Variants in ZFAND2B observed in about 807,000 individuals in gnomAD.
The protein encoded by ZFAND2B is zinc finger AN1-type containing 2B.
A neutral mutation model predicts 38.2 loss-of-function variants in ZFAND2B; 27 were observed. The observed-to-expected ratio is 0.71, with a 90% CI of 0.52 to 0.97. The LOEUF is 0.97. ZFAND2B is among the 50% of genes least tolerant of loss of function. The probability of loss-of-function intolerance (pLI) is 0.00; values close to 1 mark genes in which losing one functional copy is unlikely to be tolerated. For missense variants in ZFAND2B, 303 were observed against 331.5 expected, an observed-to-expected ratio of 0.91 and a Z score of 0.67; for synonymous variants, 111 against 119.4, an observed-to-expected ratio of 0.93 and a Z score of 0.46.
Position 219,207,133 on chromosome 2 carries a change from A to C in ZFAND2B, c.55+91A>C, listed in dbSNP as rs966780068. Reference sequence around the variant, plus strand: ...GGAAGGGTGGGCTCCCAGGCTGGCAATGCCGGGGGGCGGGGCTTGAAGCTG... The same window carrying C: ...GGAAGGGTGGGCTCCCAGGCTGGCACTGCCGGGGGGCGGGGCTTGAAGCTG... On this transcript the variant is annotated intron_variant, in intron 1 of 8. Coordinates refer to ENST00000289528, the MANE Select transcript of ZFAND2B (RefSeq NM_138802.3). The C allele has an allele frequency of 1.2e-5, 10 of 865,366 alleles. No individual in the cohort carries two copies. In the East Asian group the frequency reaches 1.4e-4, roughly 13 times the overall value. The allele number at this position is 865,366 out of a possible 1,614,324, so 53.6% of individuals were successfully genotyped here. A position where few individuals can be genotyped will look rare whatever the true frequency, so the allele number is the denominator to read the frequency against.
chr2:219,207,077 C>A lies in ZFAND2B; in HGVS notation c.55+35C>A, dbSNP rs772971726. 53 of 1,404,962 alleles carry A rather than the reference C, an allele frequency of 3.8e-5. No homozygotes were observed. The East Asian group carries it at 1.7e-3, about 45-fold the overall frequency. The allele number at this position is 1,404,962 out of a possible 1,614,324, so 87.0% of individuals were successfully genotyped here. On this transcript the variant is annotated intron_variant, in intron 1 of 8. Coordinates refer to ENST00000289528, the MANE Select transcript of ZFAND2B (RefSeq NM_138802.3). ...GGAGCGCGCGGGGGGCGGGGCCCAG[C>A]GGACAGGGACTTTGAACCGCAGGTT... is the stretch of plus-strand genomic sequence containing the variant.
chr2:219,207,288 AGG>A, intron 1 of ZFAND2B, 37 bp from the exon 2 acceptor site: 1 of 1,597,436 alleles, frequency 6.3e-7, no homozygotes, highest in Non-Finnish European at 8.6e-7. Context: ...AAGGACATCG[AGG>A]TCCCGCTGGA....
rs142185218 is a variant in ZFAND2B at position 219,207,448 on chromosome 2, G to C, written c.150+27G>C. 7.2e-4 allele frequency: 1,148 copies of C among 1,604,284 alleles called. 1 individual carries two copies. Among genetic ancestry groups the C allele is most frequent in the Non-Finnish European group, 9.6e-4 (1,121 of 1,171,838 alleles). ...TGAGGGGGCGATCCTCAGGGTGAAA[G>C]CAGGCAGATGGAGAATGCGTGCAGA... On this transcript the variant is annotated intron_variant, in intron 2 of 8. Coordinates refer to ENST00000289528, the MANE Select transcript of ZFAND2B (RefSeq NM_138802.3).
At chr2:219,207,279 A>AG in intron 1 of ZFAND2B, 48 bp from the exon 2 acceptor site, 1 of 1,578,120 alleles carries the variant, frequency 6.3e-7, no homozygotes, top group Admixed American at 1.7e-5. Context: ...GTGAGAGAGA[A>AG]GGACATCGAG....
Position 219,207,791 on chromosome 2 carries a change from AG to A in ZFAND2B, c.282+16del. On this transcript the variant is annotated intron_variant, in intron 3 of 8. Coordinates refer to ENST00000289528, the MANE Select transcript of ZFAND2B (RefSeq NM_138802.3). Reference sequence around the variant, plus strand: ...AGCAAAAACGTAAGGTAAACATTGTAGGGGTCAGCCACAACCCAGCTGGGAC... The same window carrying A: ...AGCAAAAACGTAAGGTAAACATTGTAGGGTCAGCCACAACCCAGCTGGGAC... 6.2e-7 allele frequency: 1 copy of A among 1,614,134 alleles called. No individual in the cohort carries two copies. Among genetic ancestry groups the A allele is most frequent in the Non-Finnish European group, 8.5e-7 (1 of 1,179,968 alleles).
rs774558902 is a variant in ZFAND2B, at chr2:219,207,890, T to C, written c.286T>C (p.Phe96Leu). The C allele has an allele frequency of 6.2e-7, 1 of 1,614,162 alleles. No homozygotes were observed. Among genetic ancestry groups the C allele is most frequent in the Admixed American group, 1.7e-5 (1 of 60,020 alleles). The change falls in exon 4 of 9, where the codon TTC becomes CTC. Residue 96 changes from phenylalanine to leucine, a missense_variant. Transcript: ENST00000289528. ...CAACCTTCTCACTTCACCTCAGATCTTCACCAATAAGTGTGAACGCGCTGG... is the reference window on the plus strand; with the variant it reads ...CAACCTTCTCACTTCACCTCAGATCCTCACCAATAAGTGTGAACGCGCTGG... ...SDPAQQKRKI[F>L]TNKCERAGCR...
In ZFAND2B at chr2:219,206,883, C is replaced by A; in HGVS notation, c.-105C>A. The stretch of plus-strand genomic sequence containing the variant: ...GGGCGGGGGAGAGGAAGGGGCGGGG[C>A]AGGGAGCCCGCCAGAGTGCGGGGTC... On this transcript the variant is annotated 5_prime_UTR_variant, in exon 1 of 9. Transcript: ENST00000289528. 7.8e-7 allele frequency: 1 copy of A among 1,278,296 alleles called. No individual in the cohort carries two copies. The highest frequency in any genetic ancestry group is 1.1e-6 in the Non-Finnish European group (1 of 921,000). The allele number at this position is 1,278,296 out of a possible 1,614,324, so 79.2% of individuals were successfully genotyped here.
In ZFAND2B at chr2:219,208,134, C is replaced by T. The variant is rs959471803; in HGVS notation, c.434+96C>T. The stretch of plus-strand genomic sequence containing the variant: ...ATAAATTGGGGAGCTTCAACCCTAC[C>T]CTGTCGGCTAGGGGAGTCTTTTAGC... On this transcript the variant is annotated intron_variant, in intron 4 of 8. Coordinates refer to ENST00000289528, the MANE Select transcript of ZFAND2B (RefSeq NM_138802.3). 4 of 1,600,382 alleles carry T rather than the reference C, an allele frequency of 2.5e-6. No homozygotes were observed. In the African/African-American group the frequency reaches 4.0e-5, roughly 16 times the overall value.
chr2:219,208,069 T>G, intron 4 of ZFAND2B, 31 bp downstream of exon 4: 1 of 1,613,606 alleles, frequency 6.2e-7, no homozygotes, highest in Non-Finnish European at 8.5e-7. Context: ...CACTTGCTTT[T>G]GGGAAGCATT....
At chr2:219,208,195 T>C in intron 4 of ZFAND2B, 61 bp from the exon 5 acceptor site, 1 of 1,605,922 alleles carries the variant, frequency 6.2e-7, no homozygotes, top group Non-Finnish European at 8.5e-7. Context: ...AGAACTCCCC[T>C]CCTGACTTCC....
intron 3 of ZFAND2B, 38 bp downstream of exon 3, chr2:219,207,817 C>G (rs1271064564): frequency 6.2e-7 from 1 of 1,613,548 alleles, no homozygotes; most frequent in Admixed American, 1.7e-5. Flanking sequence ...CCAGCTGGGA[C>G]TACGGATGCC....
rs755951199 is a variant in ZFAND2B at position 219,206,809 on chromosome 2, G to C, written c.-179G>C. On this transcript the variant is annotated 5_prime_UTR_variant, in exon 1 of 9. Transcript: ENST00000289528. ...CAGCGCGCCGCGCGCGCCGAGGGAG[G>C]AGCGGGCGCCGGGGGCCGGCTGGCG... The C allele has an allele frequency of 1.7e-4, 97 of 570,364 alleles. No individual in the cohort carries two copies. Among genetic ancestry groups the C allele is most frequent in the South Asian group, 2.9e-4 (8 of 27,288 alleles). 35.3% of individuals were successfully genotyped at this position (570,364 alleles called of 1,614,324 possible).
Position 219,206,826 on chromosome 2 carries a change from C to A in ZFAND2B, c.-162C>A, listed in dbSNP as rs1389755425. 6 of 706,044 alleles carry A rather than the reference C, an allele frequency of 8.5e-6. No homozygotes were observed. Among genetic ancestry groups the A allele is most frequent in the African/African-American group, 1.9e-5 (1 of 52,412 alleles). 43.7% of individuals were successfully genotyped at this position (706,044 alleles called of 1,614,324 possible). ...CGAGGGAGGAGCGGGCGCCGGGGGC[C>A]GGCTGGCGCGGGGGCTCCGGTAACC... On this transcript the variant is annotated 5_prime_UTR_variant, in exon 1 of 9. Coordinates refer to ENST00000289528, the MANE Select transcript of ZFAND2B (RefSeq NM_138802.3).
chr2:219,208,673 T>G, intron 7 of ZFAND2B, 34 bp downstream of exon 7: 2 of 1,613,014 alleles, frequency 1.2e-6, no homozygotes, highest in South Asian at 2.2e-5. Context: ...GAGCGCAAGC[T>G]GTGGGCAAGG....
chr2:219,208,583 A>G lies in ZFAND2B; in HGVS notation c.600A>G (p.Glu200=). Residue 200 remains glutamate, a synonymous_variant, in exon 7 of 9, where the codon GAA becomes GAG. Coordinates refer to ENST00000289528, the MANE Select transcript of ZFAND2B (RefSeq NM_138802.3). Reference sequence around the variant, plus strand: ...TTCTCCCTTTGTAGAGTGAGGATGAAGCTCTGCAGCGGGCCCTGGAAATGT... The same window carrying G: ...TTCTCCCTTTGTAGAGTGAGGATGAGGCTCTGCAGCGGGCCCTGGAAATGT... ...IALQNGLSED[E]ALQRALEMSL... is the part of the protein sequence containing the mutation. 1 of 1,614,214 alleles carries G rather than the reference A, an allele frequency of 6.2e-7. No homozygotes were observed. Among genetic ancestry groups the G allele is most frequent in the Non-Finnish European group, 8.5e-7 (1 of 1,180,018 alleles).
chr2:219,207,292 C>A, intron 1 of ZFAND2B, 35 bp from the exon 2 acceptor site: 1 of 1,603,860 alleles, frequency 6.2e-7, no homozygotes. Context: ...ACATCGAGGT[C>A]CCGCTGGACC....
rs766316904 is a variant in ZFAND2B at position 219,209,226 on chromosome 2, CTG to C, written c.730-32_730-31del. ...TGTCCCTCATTTCCTTGACGTTGCA[CTG>C]TGTCTTCCCCTCCTTCCCCTCTCTT... On this transcript the variant is annotated intron_variant, in intron 8 of 8. Transcript: ENST00000289528. 2.5e-6 allele frequency: 4 copies of C among 1,592,944 alleles called. No individual in the cohort carries two copies. The South Asian group carries it at 3.4e-5, about 14-fold the overall frequency.
Position 219,208,075 on chromosome 2 carries a change from G to T in ZFAND2B, c.434+37G>T. 2.5e-6 allele frequency: 4 copies of T among 1,613,534 alleles called. No individual in the cohort carries two copies. The Admixed American group carries it at 5.0e-5, about 20-fold the overall frequency. The stretch of plus-strand genomic sequence containing the variant: ...CAAGTCCTCCACTTGCTTTTGGGAA[G>T]CATTCTTTTGGAACTGACTCAAGCT... On this transcript the variant is annotated intron_variant, in intron 4 of 8. Transcript: ENST00000289528.
chr2:219,208,487 G>T lies in ZFAND2B; in HGVS notation c.588+1G>T. 1 of 1,614,226 alleles carries T rather than the reference G, an allele frequency of 6.2e-7. No individual in the cohort carries two copies. Among genetic ancestry groups the T allele is most frequent in the Non-Finnish European group, 8.5e-7 (1 of 1,180,034 alleles). On this transcript the variant is annotated splice_donor_variant, in intron 6 of 8. Coordinates refer to ENST00000289528, the MANE Select transcript of ZFAND2B (RefSeq NM_138802.3). LOFTEE classifies it high-confidence loss of function. ...AGTGATTGCTTTGCAGAATGGCCTG[G>T]TGAGTTGGGCAGAGGTTGGATGGAC... is the stretch of plus-strand genomic sequence containing the variant.
Sources: allele counts gnomAD v4.1 joint callset, GRCh38; gene constraint gnomAD v4.1.1; transcripts MANE v1.5; gene names NCBI Gene and HGNC (gene_info 2026-07-23, HGNC 2026-07-21).